ROBO2: variants seen among roughly 807,000 people sequenced by gnomAD.
ROBO2 encodes the protein roundabout homolog 2.
Under a neutral mutation model 160.8 loss-of-function variants are expected in ROBO2, and 53 were observed. The ratio of observed to expected loss-of-function variants is 0.33; its 90% CI spans 0.26 to 0.41. ROBO2 has a LOEUF of 0.41. Among genes scored for constraint, ROBO2 ranks in the 10% least tolerant of loss-of-function variants. ROBO2 has a pLI of 1.00. For synonymous variants in ROBO2, 664 were observed against 611.7 expected, an observed-to-expected ratio of 1.09 and a Z score of -1.26; for missense variants, 1,577 against 1,722.4, an observed-to-expected ratio of 0.92 and a Z score of 1.49.
intron 2 of ROBO2, among the ~76,000 whole-genome samples, chr3:76,454,461 G>C (rs769424670): frequency 6.6e-6 from 1 of 152,160 alleles, no homozygotes; most frequent in Non-Finnish European, 1.5e-5. Flanking sequence ...TCAACTGATT[G>C]TAACTCTGTG....
At chr3:77,453,979 G>A (rs574956343) in intron 2 of ROBO2, among the ~76,000 whole-genome samples, 3 of 152,002 alleles carry the variant, frequency 2.0e-5, no homozygotes, top group South Asian at 2.1e-4. Flanking sequence ...TTGCTCCCCC[G>A]TTCAATCAGC....
intron 2 of ROBO2, among the ~76,000 whole-genome samples, chr3:76,159,436 C>A (rs1284660059): frequency 6.6e-6 from 1 of 152,100 alleles, no homozygotes; most frequent in Non-Finnish European, 1.5e-5. Flanking sequence ...CATAAGAAAA[C>A]AATAAAGAAT....
At chr3:76,012,852 G>A (rs577332786) in intron 2 of ROBO2, among the ~76,000 whole-genome samples, 9 of 140,350 alleles carry the variant, frequency 6.4e-5, no homozygotes, top group African/African-American at 9.9e-5. Context: ...GGCAATTGGC[G>A]ACTGGGCACG....
At chr3:76,731,921 A>G (rs1293982961) in intron 2 of ROBO2, among the ~76,000 whole-genome samples, 2 of 152,200 alleles carry the variant, frequency 1.3e-5, no homozygotes, top group Middle Eastern at 3.2e-3. Flanking sequence ...TTTAACATGT[A>G]TTTATTGATT....
intron 24 of ROBO2, among the ~76,000 whole-genome samples, chr3:77,643,953 A>AT (rs2095383483): frequency 6.6e-6 from 1 of 152,194 alleles, no homozygotes; most frequent in South Asian, 2.1e-4. Flanking sequence ...TTCAGTGAGC[A>AT]TTAATCACAA....
chr3:76,821,602 T>C (rs896223069), intron 2 of ROBO2, among the ~76,000 whole-genome samples: 3 of 152,002 alleles, frequency 2.0e-5, no homozygotes, highest in Admixed American at 6.6e-5. Flanking sequence ...AAGTAAATAT[T>C]TGTGTGCTTG....
intron 2 of ROBO2, among the ~76,000 whole-genome samples, chr3:77,263,546 G>A (rs967765681): frequency 1.3e-5 from 2 of 152,168 alleles, no homozygotes; most frequent in Non-Finnish European, 2.9e-5. Context: ...AATGATAAGA[G>A]CCTCCAGCTC....
At chr3:77,398,624 C>G (rs1205642536) in intron 2 of ROBO2, among the ~76,000 whole-genome samples, 2 of 152,066 alleles carry the variant, frequency 1.3e-5, no homozygotes, top group Non-Finnish European at 2.9e-5. Flanking sequence ...CTCTCCCGCC[C>G]TGGCTGGAGT....
intron 2 of ROBO2, among the ~76,000 whole-genome samples, chr3:77,393,294 C>T (rs2074934132): frequency 6.6e-6 from 1 of 152,006 alleles, no homozygotes; most frequent in African/African-American, 2.4e-5. Context: ...TGCTTTTGAA[C>T]AGAAATTTAT....
At chr3:77,002,028 G>A (rs996830735) in intron 2 of ROBO2, among the ~76,000 whole-genome samples, 4 of 151,938 alleles carry the variant, frequency 2.6e-5, no homozygotes, top group Non-Finnish European at 4.4e-5. Flanking sequence ...GAGAGAGTAT[G>A]GTAATATACT....
intron 2 of ROBO2, among the ~76,000 whole-genome samples, chr3:77,220,862 G>C (rs1051190710): frequency 6.6e-5 from 10 of 152,054 alleles, no homozygotes; most frequent in Non-Finnish European, 1.5e-4. Context: ...CACCTCCTAA[G>C]TATTGCTATG....
intron 2 of ROBO2, among the ~76,000 whole-genome samples, chr3:77,373,923 G>T (rs1257487920): frequency 6.7e-6 from 1 of 149,632 alleles, no homozygotes; most frequent in Admixed American, 6.7e-5. Context: ...TGTAATCCTA[G>T]CACTTTGGGA....
chr3:77,518,801 C>A (rs2090294307), intron 5 of ROBO2, among the ~76,000 whole-genome samples: 1 of 151,470 alleles, frequency 6.6e-6, no homozygotes, highest in Admixed American at 6.6e-5. Flanking sequence ...TCTACTAATT[C>A]CTAGGAACTA....
chr3:76,792,980 C>T (rs1213456734), intron 2 of ROBO2, among the ~76,000 whole-genome samples: 1 of 151,644 alleles, frequency 6.6e-6, no homozygotes, highest in Non-Finnish European at 1.5e-5. Flanking sequence ...TTGAATATTT[C>T]TATTTTCACA....
chr3:76,242,543 T>C (rs1465856010), intron 2 of ROBO2, among the ~76,000 whole-genome samples: 1 of 152,128 alleles, frequency 6.6e-6, no homozygotes, highest in Non-Finnish European at 1.5e-5. Context: ...GTGCCCTTCA[T>C]GTCCCTTCTC....
intron 2 of ROBO2, among the ~76,000 whole-genome samples, chr3:76,039,542 A>G (rs539097088): frequency 2.6e-5 from 4 of 152,180 alleles, no homozygotes; most frequent in African/African-American, 9.7e-5. Flanking sequence ...AAGAAAATTT[A>G]AATTACCTTG....
chr3:76,899,930 A>G (rs2075098865), intron 2 of ROBO2, among the ~76,000 whole-genome samples: 1 of 152,090 alleles, frequency 6.6e-6, no homozygotes, highest in African/African-American at 2.4e-5. Flanking sequence ...TATTTTTATA[A>G]CCCTCTGTAT....
intron 1 of ROBO2, among the ~76,000 whole-genome samples, chr3:75,918,754 C>G (rs1196851704): frequency 1.3e-5 from 2 of 152,032 alleles, no homozygotes; most frequent in Non-Finnish European, 2.9e-5. Context: ...TCACATCCCT[C>G]GTAGGTTGTA....
intron 2 of ROBO2, among the ~76,000 whole-genome samples, chr3:76,594,226 A>T (rs1194818297): frequency 6.6e-6 from 1 of 151,978 alleles, no homozygotes; most frequent in Non-Finnish European, 1.5e-5. Context: ...TGAGAGTAGG[A>T]TCAGATCAAA....
Sources: gnomAD v4.1 joint callset for allele counts (sites outside exome capture counted in the v4.1 genomes callset) on GRCh38, gnomAD v4.1.1 for gene constraint, MANE v1.5 for transcripts, NCBI Gene and HGNC (gene_info 2026-07-23, HGNC 2026-07-21) for gene names.